MCPH1: variants seen among roughly 807,000 people sequenced by gnomAD.
The protein encoded by MCPH1 is microcephalin 1, also known as microcephalin.
MCPH1 carries 104 observed loss-of-function variants against 84.5 expected under a neutral mutation model. The observed-to-expected ratio is 1.23, with a 90% CI of 1.05 to 1.45. The LOEUF is 1.45. Among genes scored for constraint, MCPH1 ranks in the 40% most tolerant of loss-of-function variants. The probability of loss-of-function intolerance (pLI) is 0.00; values close to 1 mark genes in which losing one functional copy is unlikely to be tolerated. For synonymous variants in MCPH1, 514 were observed against 366.8 expected (o/e 1.40, Z -4.58); for missense variants, 1,498 against 1,005.7 (o/e 1.49, Z -6.62).
At position 6,512,930 on chromosome 8, in the gene MCPH1, C is replaced by G. The variant is rs1815469238; in HGVS notation, c.2214+13001C>G. 3.9e-5 allele frequency among the ~76,000 whole-genome samples: 6 copies of G among 152,192 alleles called. 1 individual carries two copies. Among genetic ancestry groups the G allele is most frequent in the Admixed American group, 3.9e-4 (6 of 15,276 alleles). ...CTCTAAACTTGACAACTAATCTTGA[C>G]TTTGAGATTGAAGACAATTGAATGT... On this transcript the variant is annotated intron_variant, in intron 12 of 13. Transcript: ENST00000344683.
At chr8:6,445,990 T>C (rs1054073) in intron 8 of MCPH1, 45 of 979,018 alleles carry the variant, frequency 4.6e-5, no homozygotes, top group Admixed American at 6.1e-5. Flanking sequence ...GATTGTATCA[T>C]AGAGAAAGTG....
chr8:6,489,635 C>T lies in MCPH1; in HGVS notation c.2136+8759C>T, dbSNP rs564090687. ...TTAGGGATTATTATCAGACATATTGCTGATATGTTATTCCTAGACATAATG... is the reference window on the plus strand; with the variant it reads ...TTAGGGATTATTATCAGACATATTGTTGATATGTTATTCCTAGACATAATG... On this transcript the variant is annotated intron_variant, in intron 11 of 13. Coordinates refer to ENST00000344683, the MANE Select transcript of MCPH1 (RefSeq NM_024596.5). Among the ~76,000 whole-genome samples the T allele has an allele frequency of 6.6e-5, 10 of 152,322 alleles. No individual in the cohort carries two copies. The South Asian group carries it at 2.1e-3, about 32-fold the overall frequency.
chr8:6,496,250 ATC>A (rs1293047422), intron 11 of MCPH1, among the ~76,000 whole-genome samples: 6 of 152,158 alleles, frequency 3.9e-5, no homozygotes, highest in African/African-American at 1.4e-4. Context: ...TAGATCCCTC[ATC>A]TGCACAGTTC....
At chr8:6,637,813 G>A (rs1483426194) in intron 13 of MCPH1, among the ~76,000 whole-genome samples, 1 of 152,110 alleles carries the variant, frequency 6.6e-6, no homozygotes, top group Non-Finnish European at 1.5e-5. Flanking sequence ...CCTTTGCAGT[G>A]GTTCAGGTGA....
intron 3 of MCPH1, among the ~76,000 whole-genome samples, chr8:6,427,502 G>A (rs1041126843): frequency 1.3e-5 from 2 of 152,154 alleles, no homozygotes; most frequent in Non-Finnish European, 2.9e-5. Flanking sequence ...TTCCTGAGGA[G>A]CTGGGACTAC....
intron 12 of MCPH1, among the ~76,000 whole-genome samples, chr8:6,565,623 C>T (rs930752555): frequency 6.6e-6 from 1 of 152,094 alleles, no homozygotes; most frequent in African/African-American, 2.4e-5. Flanking sequence ...TTAAAAGGAA[C>T]AAATAGAAAG....
At chr8:6,504,317 C>CA (rs35379672) in intron 12 of MCPH1, among the ~76,000 whole-genome samples, 47,850 of 85,738 alleles carry the variant, frequency 0.56, 13,977 homozygotes, top group Middle Eastern at 0.73. Flanking sequence ...GACTCCAGCT[C>CA]AAAAAAAAAA....
rs1405076350 is a variant in MCPH1, at chr8:6,480,111, T to C, written c.1974-603T>C. ...GATGTCAGGGGCCTGGTTCCTTTTTTTCTTTTTTCTTTTTTTCTTTTTTTT... is the reference window on the plus strand; with the variant it reads ...GATGTCAGGGGCCTGGTTCCTTTTTCTCTTTTTTCTTTTTTTCTTTTTTTT... On this transcript the variant is annotated intron_variant, in intron 10 of 13. Coordinates refer to ENST00000344683, the MANE Select transcript of MCPH1 (RefSeq NM_024596.5). Among the ~76,000 whole-genome samples, 6 of 151,382 alleles carry C rather than the reference T, an allele frequency of 4.0e-5. No individual in the cohort carries two copies. The East Asian group carries it at 9.7e-4, about 25-fold the overall frequency.
At chr8:6,630,508 ACAGTGGCT>A (rs1797072866) in intron 13 of MCPH1, among the ~76,000 whole-genome samples, 1 of 152,252 alleles carries the variant, frequency 6.6e-6, no homozygotes, top group African/African-American at 2.4e-5. Context: ...TCAACTGGGC[ACAGTGGCT>A]CACGCCTGTA....
intron 12 of MCPH1, chr8:6,521,311 C>G (rs1817294424): frequency 6.2e-7 from 1 of 1,613,634 alleles, no homozygotes; most frequent in African/African-American, 1.3e-5. Flanking sequence ...TGGAATTTTG[C>G]TTGGATACTA....
intron 3 of MCPH1, among the ~76,000 whole-genome samples, chr8:6,420,588 C>G (rs1338451319): frequency 1.3e-5 from 2 of 151,974 alleles, no homozygotes; most frequent in African/African-American, 4.8e-5. Context: ...TTTTCTCTAC[C>G]TCATCTTCTT....
At chr8:6,576,940 T>A (rs1827176042) in intron 12 of MCPH1, among the ~76,000 whole-genome samples, 1 of 152,058 alleles carries the variant, frequency 6.6e-6, no homozygotes, top group African/African-American at 2.4e-5. Flanking sequence ...TGGCGCCTCC[T>A]TTGAAATCTG....
At chr8:6,471,437 C>T (rs141498568) in intron 9 of MCPH1, among the ~76,000 whole-genome samples, 3 of 152,246 alleles carry the variant, frequency 2.0e-5, no homozygotes, top group African/African-American at 7.2e-5. Flanking sequence ...CTGGAGGGAT[C>T]AGGCAGGGAT....
chr8:6,562,578 T>TTTTTTTTA, intron 12 of MCPH1: 2 of 880,186 alleles, frequency 2.3e-6, no homozygotes, highest in Non-Finnish European at 3.1e-6. Flanking sequence ...TTTTGGTTGT[T>TTTTTTTTA]AAAACCTGAG....
chr8:6,436,413 G>A (rs1006082386), intron 5 of MCPH1, among the ~76,000 whole-genome samples: 4 of 152,110 alleles, frequency 2.6e-5, no homozygotes, highest in Non-Finnish European at 5.9e-5. Context: ...TTATTTTCGG[G>A]AATGATTTCA....
intron 12 of MCPH1, among the ~76,000 whole-genome samples, chr8:6,604,912 G>A (rs899536932): frequency 6.6e-6 from 1 of 152,240 alleles, no homozygotes; most frequent in African/African-American, 2.4e-5. Flanking sequence ...GTAAGGAGGA[G>A]TAAGAGCAAG....
intron 12 of MCPH1, among the ~76,000 whole-genome samples, chr8:6,533,341 G>A (rs1819887823): frequency 6.6e-6 from 1 of 152,220 alleles, no homozygotes; most frequent in Non-Finnish European, 1.5e-5. Flanking sequence ...ATGTATAACT[G>A]CAAGACAACT....
At chr8:6,442,920 C>G (rs141244559) in intron 7 of MCPH1, among the ~76,000 whole-genome samples, 76 of 152,350 alleles carry the variant, frequency 5.0e-4, no homozygotes, top group African/African-American at 1.8e-3. Context: ...TCCTTGTACT[C>G]TCACCTCTGT....
intron 12 of MCPH1, chr8:6,563,027 C>T: frequency 7.2e-7 from 1 of 1,383,238 alleles, no homozygotes; most frequent in Non-Finnish European, 9.7e-7. Flanking sequence ...CGCAGGGCTG[C>T]TACGCTGCCA....
Sources: allele counts gnomAD v4.1 joint callset (sites outside exome capture counted in the v4.1 genomes callset), GRCh38; gene constraint gnomAD v4.1.1; transcripts MANE v1.5; gene names NCBI Gene and HGNC (gene_info 2026-07-23, HGNC 2026-07-21).